The following FAM169A variants were observed in gnomAD, a reference collection of about 807,000 sequenced individuals.
FAM169A encodes soluble lamin-associated protein of 75 kDa.
A neutral mutation model predicts 75.7 loss-of-function variants in FAM169A; 24 were observed. That is an observed-to-expected ratio of 0.32 (90% CI 0.23 to 0.45). FAM169A has a LOEUF of 0.45. Among genes scored for constraint, FAM169A ranks in the 20% least tolerant of loss-of-function variants. FAM169A has a pLI of 1.00. For missense variants in FAM169A, 673 were observed against 784.0 expected (o/e 0.86, Z 1.69); for synonymous variants, 271 against 271.0 (o/e 1.00, Z 0.00).
At chr5:74,826,216 T>A (rs947560050) in intron 5 of FAM169A, among the ~76,000 whole-genome samples, 1 of 152,208 alleles carries the variant, frequency 6.6e-6, no homozygotes, top group Non-Finnish European at 1.5e-5. Context: ...CCAAAAATTT[T>A]AAGGGCCACA....
chr5:74,783,864 T>C (rs1267051729), intron 11 of FAM169A, among the ~76,000 whole-genome samples: 2 of 152,206 alleles, frequency 1.3e-5, no homozygotes, highest in African/African-American at 4.8e-5. Context: ...ATTAAAATTA[T>C]AAAACTGATG....
intron 5 of FAM169A, among the ~76,000 whole-genome samples, chr5:74,827,438 ACTGATTAT>A (rs1748092461): frequency 6.6e-6 from 1 of 152,088 alleles, no homozygotes; most frequent in Non-Finnish European, 1.5e-5. Context: ...ATGGAAGTTT[ACTGATTAT>A]CCAATCATTT....
At position 74,779,553 on chromosome 5, in the gene FAM169A, G is replaced by A. The variant is rs1447960806; in HGVS notation, c.*1907C>T. The A allele has an allele frequency of 6.6e-6, 1 of 151,452 alleles. No homozygotes were observed. Among genetic ancestry groups the A allele is most frequent in the Non-Finnish European group, 1.5e-5 (1 of 67,914 alleles). The allele number at this position is 151,452 out of a possible 1,614,324, so 9.4% of individuals were successfully genotyped here. On this transcript the variant is annotated 3_prime_UTR_variant, in exon 13 of 13. Coordinates refer to ENST00000687041, the MANE Select transcript of FAM169A (RefSeq NM_001376049.1). The stretch of plus-strand genomic sequence containing the variant: ...ACAGAGTATTTCCCTTTGTGATATT[G>A]ACAGAAGTTTCTCATAAAATGTATA...
At chr5:74,804,671 C>A in intron 7 of FAM169A, 66 bp from the exon 8 acceptor site, 3 of 877,696 alleles carry the variant, frequency 3.4e-6, no homozygotes, top group Non-Finnish European at 5.3e-6. Flanking sequence ...TAACATTGTA[C>A]TGATTTTCCT....
chr5:74,829,142 C>T lies in FAM169A; in HGVS notation c.490+5284G>A, dbSNP rs546797905. On this transcript the variant is annotated intron_variant, in intron 5 of 12. Transcript: ENST00000687041. Reference sequence around the variant, plus strand: ...TATAGAACAATTTTTTCTTCTTTTACGCTCCCTTCTGTGTCATAAAAAGGC... The same window carrying T: ...TATAGAACAATTTTTTCTTCTTTTATGCTCCCTTCTGTGTCATAAAAAGGC... 7.2e-5 allele frequency among the ~76,000 whole-genome samples: 11 copies of T among 152,226 alleles called. No homozygotes were observed. The East Asian group carries it at 7.7e-4, about 11-fold the overall frequency.
intron 11 of FAM169A, among the ~76,000 whole-genome samples, chr5:74,789,461 AATTCCTC>A (rs1745864582): frequency 6.6e-6 from 1 of 152,198 alleles, no homozygotes; most frequent in South Asian, 2.1e-4. Flanking sequence ...GGAGGCAACA[AATTCCTC>A]ATTTGGTTGT....
chr5:74,818,770 G>GCTCTCTCTCTCT (rs375359690), intron 5 of FAM169A, among the ~76,000 whole-genome samples: 1 of 134,268 alleles, frequency 7.4e-6, no homozygotes, highest in African/African-American at 2.8e-5. Flanking sequence ...CGGTTTCACA[G>GCTCTCTCTCTCT]CTCTCTCTCT....
intron 11 of FAM169A, among the ~76,000 whole-genome samples, chr5:74,787,565 T>C (rs1389833469): frequency 6.6e-6 from 1 of 152,194 alleles, no homozygotes; most frequent in East Asian, 1.9e-4. Flanking sequence ...ATTACTCTTC[T>C]CTGTATGCCA....
chr5:74,821,949 G>A (rs1021409310), intron 5 of FAM169A, among the ~76,000 whole-genome samples: 8 of 152,234 alleles, frequency 5.3e-5, no homozygotes, highest in African/African-American at 1.9e-4. Flanking sequence ...TTGTCAGCCA[G>A]AGCCTCAGTT....
intron 1 of FAM169A, among the ~76,000 whole-genome samples, chr5:74,855,616 T>C (rs1230602746): frequency 1.3e-5 from 2 of 152,232 alleles, no homozygotes; most frequent in East Asian, 1.9e-4. Context: ...CTTTGGCTCA[T>C]TTTTTAATCA....
Position 74,801,523 on chromosome 5 carries a change from A to G in FAM169A, c.952+67T>C, listed in dbSNP as rs560224438. 2.6e-6 allele frequency: 3 copies of G among 1,166,284 alleles called. No individual in the cohort carries two copies. The African/African-American group carries it at 4.5e-5, about 18-fold the overall frequency. The allele number at this position is 1,166,284 out of a possible 1,614,324, so 72.2% of individuals were successfully genotyped here. On this transcript the variant is annotated intron_variant, in intron 9 of 12. Transcript: ENST00000687041. ...ACACACCACACACACATGCATGCAC[A>G]CACACACACACAGCCCTAATTTGAA... is the stretch of plus-strand genomic sequence containing the variant.
At chr5:74,799,491 C>CA (rs1231845126) in intron 10 of FAM169A, 5 of 1,598,476 alleles carry the variant, frequency 3.1e-6, no homozygotes, top group East Asian at 2.2e-5. Context: ...ACTTCAAACA[C>CA]AGAGTGTTTT....
rs557950748 is a variant in FAM169A at position 74,781,933 on chromosome 5, A to G, written c.1540T>C (p.Leu514=). ...GCTTTCTTTCTTGGAAGTAGGGACA[A>G]TTTCTCTTCCATGTGCCCCTTTTCA... is the stretch of plus-strand genomic sequence containing the variant. ...SDEKGHMEEK[L]SLLPRKKAHL... is the part of the protein sequence containing the mutation. The change falls in exon 13 of 13, where the codon TTG becomes CTG. Residue 514 remains leucine (L), a synonymous_variant. Transcript: ENST00000687041. 1.5e-5 allele frequency: 24 copies of G among 1,613,936 alleles called. No homozygotes were observed. The highest frequency in any genetic ancestry group is 1.9e-5 in the Non-Finnish European group (22 of 1,179,900).
chr5:74,794,386 TC>T (rs1319376312), intron 11 of FAM169A, among the ~76,000 whole-genome samples: 1 of 143,368 alleles, frequency 7.0e-6, no homozygotes, highest in African/African-American at 2.6e-5. Flanking sequence ...AGAGTGAGAC[TC>T]CGTCTCAAAA....
intron 6 of FAM169A, among the ~76,000 whole-genome samples, chr5:74,811,042 G>A (rs1424595305): frequency 3.4e-5 from 5 of 148,372 alleles, no homozygotes. Flanking sequence ...AAGTGCAGTG[G>A]CACAATTTTG....
intron 1 of FAM169A, among the ~76,000 whole-genome samples, chr5:74,861,986 CCT>C (rs2112753269): frequency 6.6e-6 from 1 of 152,074 alleles, no homozygotes; most frequent in East Asian, 1.9e-4. Context: ...GCCCTGGTGC[CCT>C]GACTTAAATC....
rs560950328 is a variant in FAM169A, at chr5:74,857,567, C to T, written c.-4+8598G>A. Among the ~76,000 whole-genome samples the T allele has an allele frequency of 3.2e-3, 268 of 84,400 alleles. 5 individuals are homozygous for T. In the Admixed American group the frequency reaches 0.035, roughly 11 times the overall value. 55.4% of individuals were successfully genotyped at this position (84,400 alleles called of 152,430 possible). The stretch of plus-strand genomic sequence containing the variant: ...TCTGGGTGACAGAGCCAGACCTTGC[C>T]GCGGGAAAAAAAAAAAAAAAAAAAA... On this transcript the variant is annotated intron_variant, in intron 1 of 12. Transcript: ENST00000687041.
chr5:74,837,833 G>C (rs575672100), intron 4 of FAM169A, among the ~76,000 whole-genome samples: 1 of 152,114 alleles, frequency 6.6e-6, no homozygotes, highest in Admixed American at 6.6e-5. Context: ...TCATTCTCCT[G>C]TTGGCTGGGC....
At chr5:74,866,880 C>A, upstream of FAM169A, 1 of 985,516 alleles carries the variant, frequency 1.0e-6, no homozygotes, top group Non-Finnish European at 1.2e-6. Flanking sequence ...GGGCGAGGAC[C>A]GCCGGCCTCC....
Sources: gnomAD v4.1 joint callset for allele counts (sites outside exome capture counted in the v4.1 genomes callset) on GRCh38, gnomAD v4.1.1 for gene constraint, MANE v1.5 for transcripts, NCBI Gene and HGNC (gene_info 2026-07-23, HGNC 2026-07-21) for gene names.